The following TANGO2 variants were observed in gnomAD, a reference collection of about 807,000 sequenced individuals.
TANGO2 encodes the protein transport and Golgi organization protein 2 homolog.
TANGO2 carries 26 observed loss-of-function variants against 39.1 expected under a neutral mutation model. That is an observed-to-expected ratio of 0.67 (90% CI 0.49 to 0.92). The LOEUF (loss-of-function observed/expected upper bound fraction) is 0.92. Ranked by LOEUF, TANGO2 falls within the 40% of genes least tolerant of loss-of-function variation. TANGO2 has a pLI of 0.00. For synonymous variants in TANGO2, 131 were observed against 144.5 expected, an observed-to-expected ratio of 0.91 and a Z score of 0.67; for missense variants, 326 against 360.1, an observed-to-expected ratio of 0.91 and a Z score of 0.77.
chr22:20,020,049 T>C (rs1045714343), upstream of TANGO2, among the ~76,000 whole-genome samples: 1 of 152,184 alleles, frequency 6.6e-6, no homozygotes, highest in African/African-American at 2.4e-5. Context: ...TGAGCCCCAG[T>C]TTTCTGCAGG....
intron 6 of TANGO2, among the ~76,000 whole-genome samples, chr22:20,060,321 C>A (rs1237316285): frequency 1.4e-5 from 2 of 144,702 alleles, no homozygotes; most frequent in East Asian, 4.1e-4. Context: ...CGCACTCCAG[C>A]CTGGGCGACA....
intron 1 of TANGO2, among the ~76,000 whole-genome samples, chr22:20,036,125 A>G (rs544728637): frequency 1.3e-5 from 2 of 152,270 alleles, no homozygotes; most frequent in Middle Eastern, 3.4e-3. Context: ...TAGGACTGCA[A>G]TGCATTGTGG....
intron 3 of TANGO2, among the ~76,000 whole-genome samples, chr22:20,051,931 C>T (rs972454248): frequency 3.9e-5 from 6 of 152,196 alleles, no homozygotes; most frequent in African/African-American, 1.4e-4. Context: ...GGTAAAATGA[C>T]CCCCTGGTCT....
rs148741421 is a variant in TANGO2, at chr22:20,022,739, G to T, written c.-40+1493G>T. ...GGAGGGCACCCCGGTGCCCACCCAA[G>T]GGTGCTGCTTCTGAAAACACCCACA... On this transcript the variant is annotated intron_variant, in intron 1 of 8. Transcript: ENST00000327374. Among the ~76,000 whole-genome samples the T allele has an allele frequency of 7.9e-3, 1,209 of 152,370 alleles. 7 individuals are homozygous for T. Among genetic ancestry groups the T allele is most frequent in the Non-Finnish European group, 0.011 (754 of 68,042 alleles).
At chr22:20,063,266 G>A (rs2048712400) in intron 7 of TANGO2, 72 bp from the exon 8 acceptor site, 2 of 1,387,730 alleles carry the variant, frequency 1.4e-6, no homozygotes, top group Non-Finnish European at 1.0e-6. Context: ...GCCACCAGGT[G>A]GGCTGGGGCT....
At chr22:20,023,137 A>G (rs1295093161) in intron 1 of TANGO2, among the ~76,000 whole-genome samples, 1 of 152,206 alleles carries the variant, frequency 6.6e-6, no homozygotes, top group African/African-American at 2.4e-5. Flanking sequence ...ATGCATGCTT[A>G]AAGATAAAAA....
chr22:20,041,725 C>T (rs1340647094), intron 2 of TANGO2, among the ~76,000 whole-genome samples: 2 of 152,218 alleles, frequency 1.3e-5, no homozygotes, highest in Non-Finnish European at 2.9e-5. Flanking sequence ...GGATTACAGG[C>T]ATGAGCCACC....
intron 6 of TANGO2, among the ~76,000 whole-genome samples, chr22:20,060,319 A>G (rs900270299): frequency 3.0e-4 from 42 of 140,466 alleles, no homozygotes; most frequent in African/African-American, 1.1e-3. Context: ...ACCGCACTCC[A>G]GCCTGGGCGA....
chr22:20,028,969 G>A (rs5748508), intron 1 of TANGO2, among the ~76,000 whole-genome samples: 59,899 of 152,140 alleles, frequency 0.39, 12,171 homozygotes, highest in African/African-American at 0.49. Context: ...GGCCATGTGC[G>A]CATCCATCAG....
rs1416135678 is a variant in TANGO2, at chr22:20,053,522, T to C, written c.351T>C (p.Asn117=). 1.2e-6 allele frequency: 2 copies of C among 1,613,714 alleles called. No homozygotes were observed. The highest frequency in any genetic ancestry group is 1.7e-5 in the Admixed American group (1 of 60,014). ...KKVSMEGHLY[N]GFNLIAADLS... ...TCTCTATGGAGGGCCATCTGTACAATGGCTTCAACCTCATAGCAGCCGACC... is the reference window on the plus strand; with the variant it reads ...TCTCTATGGAGGGCCATCTGTACAACGGCTTCAACCTCATAGCAGCCGACC... Residue 117 remains asparagine (N), a synonymous_variant, in exon 5 of 9, where the codon AAT becomes AAC. Coordinates refer to ENST00000327374, the MANE Select transcript of TANGO2 (RefSeq NM_152906.7).
chr22:20,020,848 C>T (rs1041578225), upstream of TANGO2, among the ~76,000 whole-genome samples: 8 of 152,096 alleles, frequency 5.3e-5, no homozygotes, highest in African/African-American at 1.9e-4. Context: ...CCATGGCGTC[C>T]CTGCAGGCAG....
In TANGO2 at chr22:20,063,323, C is replaced by A; in HGVS notation, c.606-15C>A. The stretch of plus-strand genomic sequence containing the variant: ...ACAGAGGGACTAATGGCCACCACTT[C>A]TCTCCATCCTGCAGGCAGCTGCCAG... On this transcript the variant is annotated splice_polypyrimidine_tract_variant and intron_variant, in intron 7 of 8. Transcript: ENST00000327374. 1.2e-6 allele frequency: 2 copies of A among 1,611,460 alleles called. No homozygotes were observed. Among genetic ancestry groups the A allele is most frequent in the Non-Finnish European group, 1.7e-6 (2 of 1,178,788 alleles).
intron 3 of TANGO2, among the ~76,000 whole-genome samples, chr22:20,043,647 C>T (rs2044453183): frequency 6.6e-6 from 1 of 152,182 alleles, no homozygotes; most frequent in East Asian, 1.9e-4. Context: ...GCGTGGCTTC[C>T]TGTGCCATGC....
intron 6 of TANGO2, chr22:20,058,130 G>C (rs1373724713): frequency 2.0e-5 from 3 of 151,914 alleles, no homozygotes; most frequent in African/African-American, 7.3e-5. Context: ...TCACAGAGTT[G>C]AGCAACTGTC....
At chr22:20,046,458 T>C (rs1353347040) in intron 3 of TANGO2, among the ~76,000 whole-genome samples, 1 of 130,382 alleles carries the variant, frequency 7.7e-6, no homozygotes, top group African/African-American at 3.0e-5. Flanking sequence ...CAAGGCTGGG[T>C]AATTTTTTTT....
intron 5 of TANGO2, 140 bp from the exon 6 acceptor site, chr22:20,055,803 T>C (rs1203700317): frequency 2.8e-6 from 2 of 708,886 alleles, no homozygotes; most frequent in Non-Finnish European, 4.9e-6. Flanking sequence ...AGGGGCTGGG[T>C]CCTGCAAGCT....
chr22:20,056,226 C>T lies in TANGO2; in HGVS notation c.451+213C>T, dbSNP rs1259475813. 1.2e-5 allele frequency: 8 copies of T among 693,828 alleles called. No homozygotes were observed. The South Asian group carries it at 1.2e-4, about 10-fold the overall frequency. 43.0% of individuals were successfully genotyped at this position (693,828 alleles called of 1,614,324 possible). ...CTCACCCCCTCCCCATGGGCTTTTCCTGCTGAGCAAGGTGCGCCCCTGTTC... is the reference window on the plus strand; with the variant it reads ...CTCACCCCCTCCCCATGGGCTTTTCTTGCTGAGCAAGGTGCGCCCCTGTTC... On this transcript the variant is annotated intron_variant, in intron 6 of 8. Transcript: ENST00000327374.
intron 6 of TANGO2, 144 bp from the exon 7 acceptor site, chr22:20,061,386 G>A: frequency 1.1e-6 from 1 of 905,482 alleles, no homozygotes; most frequent in South Asian, 1.9e-5. Flanking sequence ...TGGGGAAGGA[G>A]CTGGAGCATG....
intron 2 of TANGO2, among the ~76,000 whole-genome samples, chr22:20,037,397 A>G (rs755556727): frequency 5.9e-5 from 9 of 152,194 alleles, no homozygotes; most frequent in Non-Finnish European, 1.3e-4. Context: ...ATTCCCCAGG[A>G]CACCCCAGCA....
Sources: gnomAD v4.1 joint callset for allele counts (sites outside exome capture counted in the v4.1 genomes callset) on GRCh38, gnomAD v4.1.1 for gene constraint, MANE v1.5 for transcripts, NCBI Gene and HGNC (gene_info 2026-07-23, HGNC 2026-07-21) for gene names.